The following JAZF1 variants were observed in gnomAD, a reference collection of about 807,000 sequenced individuals.
JAZF1 encodes the protein JAZF zinc finger 1, also known as juxtaposed with another zinc finger protein 1.
A neutral mutation model predicts 26.4 loss-of-function variants in JAZF1; 8 were observed. The ratio of observed to expected loss-of-function variants is 0.30; its 90% confidence interval spans 0.18 to 0.55. JAZF1 has a LOEUF of 0.55. Among genes scored for constraint, JAZF1 ranks in the 20% least tolerant of loss-of-function variants. The probability of loss-of-function intolerance (pLI) is 0.94; values close to 1 mark genes in which losing one functional copy is unlikely to be tolerated. For missense variants in JAZF1, 199 were observed against 322.0 expected (o/e 0.62, Z 2.92); for synonymous variants, 126 against 122.3 (o/e 1.03, Z -0.20).
At chr7:27,882,974 C>CAGT (rs1412605100) in intron 3 of JAZF1, among the ~76,000 whole-genome samples, 6 of 152,166 alleles carry the variant, frequency 3.9e-5, no homozygotes, top group African/African-American at 1.4e-4. Flanking sequence ...TTCATATTTT[C>CAGT]AGTAGAATCC....
intron 3 of JAZF1, among the ~76,000 whole-genome samples, chr7:27,852,525 C>T (rs62451079): frequency 0.21 from 32,467 of 151,976 alleles, 4,152 homozygotes; most frequent in East Asian, 0.47. Flanking sequence ...TCAGGGCACA[C>T]GGCCATTCTC....
intron 2 of JAZF1, among the ~76,000 whole-genome samples, chr7:27,973,892 T>C (rs890114067): frequency 6.6e-6 from 1 of 152,130 alleles, no homozygotes; most frequent in Non-Finnish European, 1.5e-5. Context: ...ATCGGTGAAC[T>C]CTTGGGACAA....
chr7:27,965,665 G>A (rs1018247424), intron 2 of JAZF1, among the ~76,000 whole-genome samples: 28 of 152,080 alleles, frequency 1.8e-4, no homozygotes, highest in Non-Finnish European at 2.9e-5. Flanking sequence ...AAAGATCCTT[G>A]TATTTTATAA....
intron 3 of JAZF1, among the ~76,000 whole-genome samples, chr7:27,883,547 T>C (rs1783806283): frequency 1.3e-5 from 2 of 152,258 alleles, no homozygotes; most frequent in Non-Finnish European, 2.9e-5. Flanking sequence ...ATATTAAATC[T>C]GAGGATTTAA....
chr7:27,998,676 AAT>A (rs1703290953), intron 1 of JAZF1, among the ~76,000 whole-genome samples: 2 of 152,246 alleles, frequency 1.3e-5, no homozygotes, highest in Admixed American at 1.3e-4. Context: ...TTATGAGTTA[AAT>A]ATCTAAAAGT....
chr7:27,881,945 TTTTA>T (rs1223691874), intron 3 of JAZF1, among the ~76,000 whole-genome samples: 2 of 152,186 alleles, frequency 1.3e-5, no homozygotes, highest in African/African-American at 4.8e-5. Context: ...TCTGCTTGAC[TTTTA>T]TTTTTTATTT....
chr7:28,020,414 A>G (rs1562561366), intron 1 of JAZF1: 1 of 364,744 alleles, frequency 2.7e-6, no homozygotes, highest in East Asian at 7.4e-5. Flanking sequence ...GTGGGGTAAC[A>G]CTGCTGCAGA....
At chr7:27,907,408 A>T (rs1222037118) in intron 2 of JAZF1, among the ~76,000 whole-genome samples, 2 of 152,228 alleles carry the variant, frequency 1.3e-5, no homozygotes, top group African/African-American at 2.4e-5. Flanking sequence ...TTATAAATTT[A>T]ACTGCCATCT....
chr7:28,098,174 T>A (rs112081715), intron 1 of JAZF1, among the ~76,000 whole-genome samples: 1 of 152,106 alleles, frequency 6.6e-6, no homozygotes. Flanking sequence ...AGTGCCCTCA[T>A]AAGAAGAGAA....
intron 1 of JAZF1, among the ~76,000 whole-genome samples, chr7:28,104,039 G>A (rs1049406107): frequency 1.3e-5 from 2 of 152,098 alleles, no homozygotes; most frequent in Middle Eastern, 3.2e-3. Context: ...TGGCCTCCCT[G>A]CAGTTCCTCC....
chr7:27,830,672 C>G lies in JAZF1; in HGVS notation c.*2128G>C, dbSNP rs1782668612. ...AATTTTGATTAAATTGCCTTCAGTT[C>G]TAAAACAAACCTCTGTTGCTTTCAG... On this transcript the variant is annotated 3_prime_UTR_variant, in exon 5 of 5. Transcript: ENST00000283928. The G allele has an allele frequency of 1.6e-5, 3 of 187,940 alleles. No individual in the cohort carries two copies. The Admixed American group carries it at 1.9e-4, about 12-fold the overall frequency. 11.6% of individuals were successfully genotyped at this position (187,940 alleles called of 1,614,324 possible). A position where few individuals can be genotyped will look rare whatever the true frequency, so the allele number is the denominator to read the frequency against.
rs185243532 is a variant in JAZF1, at chr7:27,967,302, C to A, written c.188+24607G>T. On this transcript the variant is annotated intron_variant, in intron 2 of 4. Coordinates refer to ENST00000283928, the MANE Select transcript of JAZF1 (RefSeq NM_175061.4). ...CCCGTACCATGCTCTGGCCATACCC[C>A]TACCCCTGAGACATGAACAGGAATA... 3.6e-3 allele frequency among the ~76,000 whole-genome samples: 552 copies of A among 152,126 alleles called. 1 individual carries two copies. The highest frequency in any genetic ancestry group is 4.6e-3 in the Non-Finnish European group (312 of 68,000).
At chr7:28,157,454 A>G (rs2127950437) in intron 1 of JAZF1, among the ~76,000 whole-genome samples, 1 of 152,336 alleles carries the variant, frequency 6.6e-6, no homozygotes, top group East Asian at 1.9e-4. Flanking sequence ...TTCCAATAAA[A>G]CTTTATTTAT....
intron 2 of JAZF1, among the ~76,000 whole-genome samples, chr7:27,951,856 C>T (rs114244254): frequency 0.032 from 4,805 of 152,300 alleles, 256 homozygotes; most frequent in African/African-American, 0.11. Flanking sequence ...TCTACAACCT[C>T]TCTCCTTTGC....
chr7:28,036,287 A>G (rs955082213), intron 1 of JAZF1, among the ~76,000 whole-genome samples: 3 of 152,256 alleles, frequency 2.0e-5, no homozygotes, highest in Non-Finnish European at 4.4e-5. Flanking sequence ...AGTCAGTCTG[A>G]TAAACACTGA....
intron 1 of JAZF1, among the ~76,000 whole-genome samples, chr7:28,054,280 T>C (rs991222422): frequency 4.6e-5 from 7 of 152,228 alleles, no homozygotes; most frequent in Non-Finnish European, 8.8e-5. Context: ...ATAGTAGTTA[T>C]AGAAGTTGAA....
At chr7:28,169,453 A>G (rs191877305) in intron 1 of JAZF1, among the ~76,000 whole-genome samples, 3 of 152,208 alleles carry the variant, frequency 2.0e-5, no homozygotes, top group Admixed American at 1.3e-4. Context: ...AATCTAAACT[A>G]TCTCTAAGTT....
chr7:27,916,096 T>C (rs1784440468), intron 2 of JAZF1, among the ~76,000 whole-genome samples: 2 of 152,286 alleles, frequency 1.3e-5, no homozygotes, highest in Middle Eastern at 3.4e-3. Flanking sequence ...CTCTAAACCC[T>C]AGTGAGCTGG....
chr7:28,043,736 T>C (rs1045354716), intron 1 of JAZF1, among the ~76,000 whole-genome samples: 1 of 152,132 alleles, frequency 6.6e-6, no homozygotes, highest in Non-Finnish European at 1.5e-5. Context: ...AACCCAAGTG[T>C]CCATTGACTG....
Sources: allele counts gnomAD v4.1 joint callset (sites outside exome capture counted in the v4.1 genomes callset), GRCh38; gene constraint gnomAD v4.1.1; transcripts MANE v1.5; gene names NCBI Gene and HGNC (gene_info 2026-07-23, HGNC 2026-07-21).